Variants in LTBP1 observed in about 807,000 individuals in gnomAD.
The protein encoded by LTBP1 is latent transforming growth factor beta binding protein 1, also known as latent-transforming growth factor beta-binding protein 1.
In LTBP1, 129 loss-of-function variants were observed where a neutral mutation model predicts 207.6. The ratio of observed to expected loss-of-function variants is 0.62; its 90% CI spans 0.54 to 0.72. The LOEUF (loss-of-function observed/expected upper bound fraction) is 0.72, where lower values mean the gene tolerates loss of function less well. Among genes scored for constraint, LTBP1 ranks in the 30% least tolerant of loss-of-function variants. LTBP1 has a pLI of 0.00. For synonymous variants in LTBP1, 963 were observed against 833.7 expected, an observed-to-expected ratio of 1.16 and a Z score of -2.67; for missense variants, 2,281 against 2,217.2, an observed-to-expected ratio of 1.03 and a Z score of -0.58.
At chr2:33,276,070 G>T (rs1025626494) in intron 18 of LTBP1, 147 bp downstream of exon 18, 123 of 1,007,922 alleles carry the variant, frequency 1.2e-4, no homozygotes, top group Non-Finnish European at 1.6e-4. Context: ...CAGGCTCTTT[G>T]CCTCTTCCTT....
At chr2:33,288,553 G>T (rs572093094) in intron 19 of LTBP1, among the ~76,000 whole-genome samples, 1 of 152,028 alleles carries the variant, frequency 6.6e-6, no homozygotes, top group African/African-American at 2.4e-5. Flanking sequence ...TCATTTCCCC[G>T]CAAAAAGAAA....
intron 31 of LTBP1, among the ~76,000 whole-genome samples, chr2:33,378,381 A>C (rs994779641): frequency 3.3e-5 from 5 of 151,828 alleles, no homozygotes; most frequent in African/African-American, 4.8e-5. Flanking sequence ...TCACACCACC[A>C]CACCTGGCTA....
chr2:33,029,797 A>G (rs1321871796), intron 3 of LTBP1, among the ~76,000 whole-genome samples: 1 of 152,250 alleles, frequency 6.6e-6, no homozygotes, highest in East Asian at 1.9e-4. Flanking sequence ...AATAAAAGGC[A>G]TAAAGAAGTG....
rs1400639506 is a variant in LTBP1 at position 33,216,935 on chromosome 2, C to T, written c.1702-617C>T. Among the ~76,000 whole-genome samples the T allele has an allele frequency of 2.6e-5, 4 of 152,208 alleles. No individual in the cohort carries two copies. The South Asian group carries it at 6.2e-4, about 24-fold the overall frequency. Reference sequence around the variant, plus strand: ...CTCTTCTGCCTGCTCAAGCTGGTCTCGCTTAAACATGCTGGCACCTTCCTA... The same window carrying T: ...CTCTTCTGCCTGCTCAAGCTGGTCTTGCTTAAACATGCTGGCACCTTCCTA... On this transcript the variant is annotated intron_variant, in intron 7 of 33. Coordinates refer to ENST00000404816, the MANE Select transcript of LTBP1 (RefSeq NM_206943.4).
chr2:33,307,945 C>T (rs919477574), intron 22 of LTBP1, among the ~76,000 whole-genome samples: 1 of 152,182 alleles, frequency 6.6e-6, no homozygotes, highest in Non-Finnish European at 1.5e-5. Flanking sequence ...AATTCGGTAT[C>T]ACCGTACTTG....
chr2:32,970,459 T>G (rs1680684665), intron 2 of LTBP1, among the ~76,000 whole-genome samples: 1 of 152,138 alleles, frequency 6.6e-6, no homozygotes. Flanking sequence ...AGGGGTTCAG[T>G]TTCAATCTTC....
At chr2:32,963,276 C>T (rs1280399409) in intron 2 of LTBP1, among the ~76,000 whole-genome samples, 1 of 152,130 alleles carries the variant, frequency 6.6e-6, no homozygotes, top group African/African-American at 2.4e-5. Flanking sequence ...GTGATCATAG[C>T]TCACTGTGAT....
At chr2:33,387,087 G>A (rs963291743) in intron 31 of LTBP1, among the ~76,000 whole-genome samples, 6 of 151,978 alleles carry the variant, frequency 3.9e-5, no homozygotes, top group African/African-American at 1.5e-4. Flanking sequence ...CTTGACCTGC[G>A]TCATGAGCCA....
chr2:33,231,792 A>G (rs896676845), intron 9 of LTBP1, among the ~76,000 whole-genome samples: 1 of 152,196 alleles, frequency 6.6e-6, no homozygotes, highest in African/African-American at 2.4e-5. Flanking sequence ...CTTATAATTA[A>G]TCGAACCATT....
chr2:33,103,311 TAC>T (rs768120584), intron 3 of LTBP1, among the ~76,000 whole-genome samples: 2 of 149,806 alleles, frequency 1.3e-5, no homozygotes, highest in African/African-American at 2.4e-5. Context: ...CTATGTTGTA[TAC>T]ACAGTCTTTA....
Position 33,170,511 on chromosome 2 carries a change from C to A in LTBP1, c.1202-16345C>A, listed in dbSNP as rs1169920471. Among the ~76,000 whole-genome samples, 4 of 152,240 alleles carry A rather than the reference C, an allele frequency of 2.6e-5. 1 individual carries two copies. Among genetic ancestry groups the A allele is most frequent in the African/African-American group, 9.6e-5 (4 of 41,476 alleles). On this transcript the variant is annotated intron_variant, in intron 5 of 33. Transcript: ENST00000404816. Reference sequence around the variant, plus strand: ...AAACACAGCAGCCTGGAAGCTCGAACTGGGTGGAGCCCACCACAGCTCAAG... The same window carrying A: ...AAACACAGCAGCCTGGAAGCTCGAAATGGGTGGAGCCCACCACAGCTCAAG...
intron 3 of LTBP1, among the ~76,000 whole-genome samples, chr2:33,105,653 G>A (rs1415385897): frequency 6.6e-6 from 1 of 152,094 alleles, no homozygotes; most frequent in African/African-American, 2.4e-5. Flanking sequence ...GGCTGGTCTT[G>A]AACTTGCGAC....
At chr2:33,368,331 C>T (rs958503423) in intron 31 of LTBP1, among the ~76,000 whole-genome samples, 2 of 152,138 alleles carry the variant, frequency 1.3e-5, no homozygotes, top group Non-Finnish European at 2.9e-5. Context: ...GGGTACCTAC[C>T]CAAAGGGAAT....
intron 23 of LTBP1, among the ~76,000 whole-genome samples, chr2:33,311,010 A>G (rs552653766): frequency 1.3e-5 from 2 of 152,278 alleles, no homozygotes; most frequent in East Asian, 1.9e-4. Flanking sequence ...CTTTTTACCC[A>G]CTATTACTGA....
chr2:33,188,663 G>A lies in LTBP1; in HGVS notation c.1513G>A (p.Gly505Ser), dbSNP rs2087484462. Residue 505 changes from glycine to serine, a missense_variant, in exon 7 of 34, where the codon GGC becomes AGC. Around this residue, in one of 3 missense-constraint regions of LTBP1, gnomAD observed 1,671 missense variants for 1,634.8 expected, o/e 1.02. Transcript: ENST00000404816. ...VQIHQVSRID[G>S]PTGQKTKEAQ... ...GATACATCAGGTTTCAAGAATTGAT[G>A]GCCCAACAGGCCAGAAGACAAAAGA... 3.1e-6 allele frequency: 5 copies of A among 1,614,038 alleles called. No individual in the cohort carries two copies. Among genetic ancestry groups the A allele is most frequent in the Non-Finnish European group, 4.2e-6 (5 of 1,180,016 alleles).
intron 32 of LTBP1, among the ~76,000 whole-genome samples, chr2:33,391,306 C>G (rs2095312759): frequency 6.9e-6 from 1 of 145,078 alleles, no homozygotes; most frequent in Non-Finnish European, 1.5e-5. Flanking sequence ...ATGAACAACA[C>G]TCTTTCTTTT....
chr2:33,025,504 A>C (rs4952336), intron 3 of LTBP1, among the ~76,000 whole-genome samples: 31,675 of 152,150 alleles, frequency 0.21, 3,534 homozygotes, highest in Admixed American at 0.32. Flanking sequence ...CACATTAACC[A>C]ATCACAGTAT....
At chr2:32,985,775 T>TGGG in intron 2 of LTBP1, among the ~76,000 whole-genome samples, 1 of 152,206 alleles carries the variant, frequency 6.6e-6, no homozygotes, top group East Asian at 1.9e-4. Flanking sequence ...CAGTGATGGA[T>TGGG]GGGGCCCTGT....
chr2:32,960,596 AT>A (rs1240614912), intron 2 of LTBP1, among the ~76,000 whole-genome samples: 3 of 152,026 alleles, frequency 2.0e-5, no homozygotes, highest in African/African-American at 7.2e-5. Flanking sequence ...ATGTTGTATG[AT>A]TTTTTTTCCC....
Sources: allele counts gnomAD v4.1 joint callset (sites outside exome capture counted in the v4.1 genomes callset), GRCh38; gene constraint gnomAD v4.1.1; regional missense constraint gnomAD v4.1.1; transcripts MANE v1.5; gene names NCBI Gene and HGNC (gene_info 2026-07-23, HGNC 2026-07-21).